Variants in TMEM132B observed in about 807,000 individuals in gnomAD.
TMEM132B encodes transmembrane protein 132B.
In TMEM132B, 18 loss-of-function variants were observed where a neutral mutation model predicts 90.8. The ratio of observed to expected loss-of-function variants is 0.20; its 90% CI spans 0.14 to 0.29. The LOEUF is 0.29. Ranked by LOEUF, TMEM132B falls within the 10% of genes least tolerant of loss-of-function variation. The pLI, the probability that TMEM132B is intolerant of heterozygous loss-of-function variation, is 1.00. For synonymous variants in TMEM132B, 504 were observed against 523.3 expected (o/e 0.96, Z 0.50); for missense variants, 1,096 against 1,326.8 (o/e 0.83, Z 2.70).
intron 3 of TMEM132B, among the ~76,000 whole-genome samples, chr12:125,433,202 G>C (rs1024718682): frequency 6.6e-6 from 1 of 152,160 alleles, no homozygotes; most frequent in African/African-American, 2.4e-5. Flanking sequence ...ACAGGATTTA[G>C]ACCTGGCCAC....
At chr12:125,395,469 T>A (rs141955142) in intron 2 of TMEM132B, among the ~76,000 whole-genome samples, 106 of 152,350 alleles carry the variant, frequency 7.0e-4, no homozygotes, top group Non-Finnish European at 1.2e-3. Context: ...TCTGATTATT[T>A]CCATAAATTC....
At chr12:125,226,960 A>C (rs1304032106) in intron 1 of TMEM132B, among the ~76,000 whole-genome samples, 5 of 152,210 alleles carry the variant, frequency 3.3e-5, no homozygotes, top group Non-Finnish European at 1.5e-5. Flanking sequence ...TACATGTGTC[A>C]TAAACTGTTA....
Position 125,482,329 on chromosome 12 carries a change from G to A in TMEM132B, c.1107-37110G>A, listed in dbSNP as rs549989621. ...AGAGTGAACAGGCAACCTACAGAAT[G>A]GGAGAAAATTTTTGCAATCTACCCA... is the stretch of plus-strand genomic sequence containing the variant. On this transcript the variant is annotated intron_variant, in intron 3 of 8. Transcript: ENST00000682704. Among the ~76,000 whole-genome samples the A allele has an allele frequency of 3.3e-5, 5 of 152,280 alleles. No individual in the cohort carries two copies. In the South Asian group the frequency reaches 8.3e-4, roughly 25 times the overall value.
At chr12:125,187,526 C>T (rs1313881908) in intron 1 of TMEM132B, among the ~76,000 whole-genome samples, 1 of 152,240 alleles carries the variant, frequency 6.6e-6, no homozygotes, top group Non-Finnish European at 1.5e-5. Flanking sequence ...AGGGTAGCCG[C>T]GGCCAAGCAG....
At chr12:125,310,467 G>A (rs1033180584) in intron 1 of TMEM132B, among the ~76,000 whole-genome samples, 1 of 152,204 alleles carries the variant, frequency 6.6e-6, no homozygotes, top group Admixed American at 6.5e-5. Flanking sequence ...GGAAGCTGAG[G>A]TGCAGAGCTC....
chr12:125,297,988 C>T (rs776611238), intron 1 of TMEM132B, among the ~76,000 whole-genome samples: 3 of 152,208 alleles, frequency 2.0e-5, no homozygotes, highest in Non-Finnish European at 2.9e-5. Flanking sequence ...CATGATGGCT[C>T]ATGCTTGTAA....
chr12:125,433,114 A>G (rs1880591361), intron 3 of TMEM132B, among the ~76,000 whole-genome samples: 1 of 152,246 alleles, frequency 6.6e-6, no homozygotes, highest in African/African-American at 2.4e-5. Context: ...GAGTCCTGCC[A>G]GTAACTTCTG....
chr12:125,647,779 A>G (rs1886802766), intron 6 of TMEM132B, among the ~76,000 whole-genome samples: 1 of 152,198 alleles, frequency 6.6e-6, no homozygotes. Flanking sequence ...GTTAAATAGG[A>G]TAGACTTTCC....
chr12:125,468,248 T>A (rs1881620668), intron 3 of TMEM132B, among the ~76,000 whole-genome samples: 1 of 151,786 alleles, frequency 6.6e-6, no homozygotes, highest in Non-Finnish European at 1.5e-5. Flanking sequence ...GGTTCCAATT[T>A]CTCCACATCC....
intron 2 of TMEM132B, among the ~76,000 whole-genome samples, chr12:125,404,922 A>C (rs1879422643): frequency 6.6e-6 from 1 of 152,170 alleles, no homozygotes; most frequent in South Asian, 2.1e-4. Context: ...GTTTCCCTAG[A>C]CAGACTGTCT....
At chr12:125,435,375 C>T (rs746533284) in intron 3 of TMEM132B, among the ~76,000 whole-genome samples, 5 of 152,010 alleles carry the variant, frequency 3.3e-5, no homozygotes, top group African/African-American at 1.2e-4. Context: ...GACTGGGGTG[C>T]GGAAGGGGTG....
At chr12:125,207,943 T>TC in intron 1 of TMEM132B, among the ~76,000 whole-genome samples, 1 of 152,376 alleles carries the variant, frequency 6.6e-6, no homozygotes. Flanking sequence ...ACTGAATTTT[T>TC]CATTTCATTT....
At chr12:125,231,087 C>T (rs1873809974) in intron 1 of TMEM132B, among the ~76,000 whole-genome samples, 1 of 152,162 alleles carries the variant, frequency 6.6e-6, no homozygotes, top group Non-Finnish European at 1.5e-5. Context: ...CCTCCGGAGG[C>T]TCTAGGGGAG....
chr12:125,424,665 T>C (rs984330060), intron 3 of TMEM132B, among the ~76,000 whole-genome samples: 8 of 152,154 alleles, frequency 5.3e-5, no homozygotes, highest in African/African-American at 1.7e-4. Flanking sequence ...TCAAAATCCA[T>C]CCATCAGCCT....
intron 4 of TMEM132B, among the ~76,000 whole-genome samples, chr12:125,566,845 T>C (rs1422718175): frequency 2.6e-4 from 36 of 139,992 alleles, no homozygotes; most frequent in Middle Eastern, 3.5e-3. Flanking sequence ...CTTTTTTTTT[T>C]TTTTTTTTTT....
chr12:125,494,928 G>A (rs1303130801), intron 3 of TMEM132B, among the ~76,000 whole-genome samples: 16 of 104,030 alleles, frequency 1.5e-4, no homozygotes, highest in South Asian at 7.0e-4. Flanking sequence ...AAATGGGTGC[G>A]TCCCTCTTCC....
intron 2 of TMEM132B, among the ~76,000 whole-genome samples, chr12:125,355,068 G>A (rs1877723689): frequency 6.6e-6 from 1 of 151,696 alleles, no homozygotes. Flanking sequence ...CACTCTTCTG[G>A]GCTCTTCTGC....
chr12:125,506,525 G>A (rs7300209), intron 3 of TMEM132B, among the ~76,000 whole-genome samples: 94,567 of 151,922 alleles, frequency 0.62, 29,755 homozygotes, highest in Middle Eastern at 0.82. Context: ...AATTATAGTT[G>A]TTTTTAATAT....
chr12:125,619,758 G>GA (rs1224521762), intron 5 of TMEM132B, among the ~76,000 whole-genome samples: 5 of 152,158 alleles, frequency 3.3e-5, no homozygotes, highest in Non-Finnish European at 7.3e-5. Context: ...TGGACAGGGG[G>GA]ATCCATATCC....
Sources: allele counts gnomAD v4.1 joint callset (sites outside exome capture counted in the v4.1 genomes callset), GRCh38; gene constraint gnomAD v4.1.1; transcripts MANE v1.5; gene names NCBI Gene and HGNC (gene_info 2026-07-23, HGNC 2026-07-21).